FTO: variants seen among roughly 807,000 people sequenced by gnomAD.
The protein encoded by FTO is FTO alpha-ketoglutarate dependent dioxygenase, also known as alpha-ketoglutarate-dependent dioxygenase FTO.
Under a neutral mutation model 63.9 loss-of-function variants are expected in FTO, and 47 were observed. That is an observed-to-expected ratio of 0.74 (90% CI 0.58 to 0.94). The LOEUF (loss-of-function observed/expected upper bound fraction) is 0.94. FTO is among the 40% of genes least tolerant of loss of function. The probability of loss-of-function intolerance (pLI) is 0.00; values close to 1 mark genes in which losing one functional copy is unlikely to be tolerated. For missense variants in FTO, 562 were observed against 618.1 expected (o/e 0.91, Z 0.96); for synonymous variants, 207 against 224.4 (o/e 0.92, Z 0.69).
intron 4 of FTO, among the ~76,000 whole-genome samples, chr16:53,859,327 C>T (rs890786351): frequency 6.6e-6 from 1 of 151,866 alleles, no homozygotes; most frequent in Admixed American, 6.6e-5. Context: ...TTTCCATTAG[C>T]AATTAAGAAG....
At chr16:53,840,022 C>T (rs2079427812) in intron 3 of FTO, among the ~76,000 whole-genome samples, 1 of 151,924 alleles carries the variant, frequency 6.6e-6, no homozygotes, top group Admixed American at 6.6e-5. Context: ...CCAGGATGGT[C>T]TCAATCTCCT....
intron 8 of FTO, among the ~76,000 whole-genome samples, chr16:54,085,594 A>T (rs1265835705): frequency 6.6e-6 from 1 of 152,174 alleles, no homozygotes; most frequent in African/African-American, 2.4e-5. Context: ...TTCATGAAGG[A>T]TATATAATTC....
At chr16:54,073,692 C>A (rs2085923067) in intron 8 of FTO, among the ~76,000 whole-genome samples, 1 of 151,912 alleles carries the variant, frequency 6.6e-6, no homozygotes, top group African/African-American at 2.4e-5. Flanking sequence ...AAGCTCTCCT[C>A]CCACCTCAGC....
At chr16:53,863,035 A>C (rs1025689112) in intron 4 of FTO, among the ~76,000 whole-genome samples, 3 of 152,042 alleles carry the variant, frequency 2.0e-5, no homozygotes, top group African/African-American at 7.2e-5. Flanking sequence ...CACTCCATCT[A>C]TTGCCGTGTT....
chr16:54,098,835 G>C (rs2144585636), intron 8 of FTO, among the ~76,000 whole-genome samples: 1 of 152,310 alleles, frequency 6.6e-6, no homozygotes, highest in African/African-American at 2.4e-5. Context: ...TTGATTCTGA[G>C]TGAATGGAAT....
At chr16:54,000,934 G>A (rs1238401876) in intron 8 of FTO, among the ~76,000 whole-genome samples, 3 of 152,174 alleles carry the variant, frequency 2.0e-5, no homozygotes, top group Non-Finnish European at 4.4e-5. Context: ...TTCATCAGCT[G>A]TGTGATCTTG....
intron 8 of FTO, among the ~76,000 whole-genome samples, chr16:54,048,142 A>G (rs2085222417): frequency 7.0e-6 from 1 of 142,468 alleles, no homozygotes; most frequent in Non-Finnish European, 1.5e-5. Flanking sequence ...AAAAAAAAAA[A>G]GAATTTCCCT....
intron 8 of FTO, among the ~76,000 whole-genome samples, chr16:54,027,630 C>T (rs1368317439): frequency 6.6e-6 from 1 of 152,072 alleles, no homozygotes; most frequent in African/African-American, 2.4e-5. Flanking sequence ...TTTCTATGCA[C>T]AGATGTCTTC....
intron 7 of FTO, among the ~76,000 whole-genome samples, chr16:53,921,923 T>C (rs191272219): frequency 3.3e-4 from 51 of 152,302 alleles, no homozygotes; most frequent in African/African-American, 1.1e-3. Flanking sequence ...AACACTACTA[T>C]TGAGGTAACA....
chr16:53,717,497 A>G (rs553467164), intron 1 of FTO, among the ~76,000 whole-genome samples: 1 of 152,134 alleles, frequency 6.6e-6, no homozygotes, highest in South Asian at 2.1e-4. Context: ...ACTGATTTGG[A>G]AAAATATTTT....
rs184820047 is a variant in FTO at position 53,752,417 on chromosome 16, G to C, written c.45+48188G>C. On this transcript the variant is annotated intron_variant, in intron 1 of 8. Coordinates refer to ENST00000471389, the MANE Select transcript of FTO (RefSeq NM_001080432.3). The stretch of plus-strand genomic sequence containing the variant: ...GTGGAACCAATGCAAATGTCCACCA[G>C]CTGATGAATGGATAAACCAAATATG... Among the ~76,000 whole-genome samples the C allele has an allele frequency of 1.2e-3, 181 of 152,288 alleles. 1 individual carries two copies. The highest frequency in any genetic ancestry group is 1.8e-3 in the Non-Finnish European group (121 of 68,026).
chr16:53,954,581 T>G (rs13335146), intron 8 of FTO, among the ~76,000 whole-genome samples: 10,298 of 152,116 alleles, frequency 0.068, 1,188 homozygotes, highest in African/African-American at 0.23. Context: ...GAACTCTGGG[T>G]GCACAGGGGA....
At chr16:53,791,609 A>G (rs980347051) in intron 1 of FTO, among the ~76,000 whole-genome samples, 4 of 152,204 alleles carry the variant, frequency 2.6e-5, no homozygotes, top group Admixed American at 1.3e-4. Context: ...ACTTTATTAC[A>G]ATGACTATTT....
At chr16:53,906,854 T>C (rs932988164) in intron 7 of FTO, among the ~76,000 whole-genome samples, 1 of 152,156 alleles carries the variant, frequency 6.6e-6, no homozygotes, top group African/African-American at 2.4e-5. Context: ...CAGGTCTTCA[T>C]GCCAGAAGGA....
In FTO at chr16:53,887,851, G is replaced by A. The variant is rs547771313; in HGVS notation, c.1120-981G>A. On this transcript the variant is annotated intron_variant, in intron 6 of 8. Transcript: ENST00000471389. ...ATTTGAATGGCTTTGTCGGTTTAAT[G>A]TATGCCTCCATAATTAGTTTTATAT... is the stretch of plus-strand genomic sequence containing the variant. The A allele has an allele frequency of 6.6e-5, 10 of 152,174 alleles. No homozygotes were observed. In the East Asian group the frequency reaches 1.7e-3, roughly 27 times the overall value. 9.4% of individuals were successfully genotyped at this position (152,174 alleles called of 1,614,324 possible).
chr16:53,869,773 G>T (rs560448779), intron 4 of FTO, among the ~76,000 whole-genome samples: 1 of 151,922 alleles, frequency 6.6e-6, no homozygotes, highest in African/African-American at 2.4e-5. Context: ...CTTGCATGTC[G>T]TCTACGTTGT....
intron 1 of FTO, among the ~76,000 whole-genome samples, chr16:53,717,220 G>A (rs1390640110): frequency 6.6e-6 from 1 of 151,870 alleles, no homozygotes; most frequent in African/African-American, 2.4e-5. Flanking sequence ...TTGCCACCTG[G>A]GGAGGTAATG....
intron 1 of FTO, among the ~76,000 whole-genome samples, chr16:53,804,650 T>G (rs2078312122): frequency 7.7e-6 from 1 of 130,350 alleles, no homozygotes; most frequent in Non-Finnish European, 1.6e-5. Context: ...TTTTTTTTTT[T>G]GAGAAAGAAC....
intron 1 of FTO, among the ~76,000 whole-genome samples, chr16:53,753,543 C>A (rs947089578): frequency 6.6e-6 from 1 of 151,964 alleles, no homozygotes; most frequent in Non-Finnish European, 1.5e-5. Flanking sequence ...CTAGGAGGAC[C>A]CATAATTTAT....
Sources: allele counts gnomAD v4.1 joint callset (sites outside exome capture counted in the v4.1 genomes callset), GRCh38; gene constraint gnomAD v4.1.1; transcripts MANE v1.5; gene names NCBI Gene and HGNC (gene_info 2026-07-23, HGNC 2026-07-21).